The following DEFB106A variants were observed in gnomAD, a reference collection of about 807,000 sequenced individuals.
DEFB106A encodes defensin beta 106A, also known as beta-defensin 106.
For synonymous variants in DEFB106A, 1 was observed against 22.5 expected, an observed-to-expected ratio of 0.04 and a Z score of 2.70; for missense variants, 4 against 63.7, an observed-to-expected ratio of 0.06 and a Z score of 3.19.
chr8:7,826,673 T>A (rs1458752327), intron 1 of DEFB106A, among the ~76,000 whole-genome samples: 1 of 48,608 alleles, frequency 2.1e-5, no homozygotes, highest in Admixed American at 2.9e-4. Context: ...TATACATATT[T>A]TTTTTTTTTT....
chr8:7,827,154 TA>T (rs1461886585), intron 1 of DEFB106A, among the ~76,000 whole-genome samples: 29 of 96,752 alleles, frequency 3.0e-4, no homozygotes, highest in Non-Finnish European at 5.9e-4. Flanking sequence ...TATACTAGTA[TA>T]ATACACAAGT....
rs1355157733 is a variant in DEFB106A, at chr8:7,827,666, A to G, written c.50-1139A>G. On this transcript the variant is annotated intron_variant, in intron 1 of 1. Coordinates refer to ENST00000335186, the MANE Select transcript of DEFB106A (RefSeq NM_152251.4). Reference sequence around the variant, plus strand: ...ATAGTATATATACTAGTATAATACTATAGTATACACTATTATACCAGTATA... The same window carrying G: ...ATAGTATATATACTAGTATAATACTGTAGTATACACTATTATACCAGTATA... 1.1e-3 allele frequency among the ~76,000 whole-genome samples: 145 copies of G among 132,572 alleles called. 4 individuals are homozygous for G. The highest frequency in any genetic ancestry group is 5.4e-3 in the Middle Eastern group (1 of 186). The allele number at this position is 132,572 out of a possible 152,430, so 87.0% of individuals were successfully genotyped here. A position where few individuals can be genotyped will look rare whatever the true frequency, so the allele number is the denominator to read the frequency against.
At chr8:7,827,334 A>C (rs1348821977) in intron 1 of DEFB106A, among the ~76,000 whole-genome samples, 2 of 126,024 alleles carry the variant, frequency 1.6e-5, no homozygotes, top group African/African-American at 5.7e-5. Flanking sequence ...TGTATATACT[A>C]GTATAATACA....
intron 1 of DEFB106A, among the ~76,000 whole-genome samples, chr8:7,826,395 G>T (rs1157912208): frequency 8.0e-5 from 12 of 149,346 alleles, no homozygotes; most frequent in African/African-American, 2.7e-4. Context: ...AGTATAATTA[G>T]TTACTATAAT....
chr8:7,827,049 T>C, intron 1 of DEFB106A, among the ~76,000 whole-genome samples: 1 of 126,830 alleles, frequency 7.9e-6, no homozygotes, highest in South Asian at 2.9e-4. Context: ...AGTATAATAC[T>C]CTAGTATATA....
intron 1 of DEFB106A, among the ~76,000 whole-genome samples, chr8:7,828,103 T>C (rs1359981282): frequency 4.1e-5 from 6 of 145,832 alleles, no homozygotes; most frequent in African/African-American, 1.5e-4. Context: ...TCTAAAATGT[T>C]GATCCTGATA....
At chr8:7,826,670 A>ATT (rs368772606) in intron 1 of DEFB106A, among the ~76,000 whole-genome samples, 31,026 of 104,138 alleles carry the variant, frequency 0.3, 851 homozygotes, top group South Asian at 0.35. Context: ...ATATATACAT[A>ATT]TTTTTTTTTT....
intron 1 of DEFB106A, among the ~76,000 whole-genome samples, chr8:7,828,359 C>CT: frequency 9.7e-6 from 1 of 102,846 alleles, no homozygotes; most frequent in South Asian, 4.4e-4. Flanking sequence ...AACTCATTCT[C>CT]TTTTTATATC....
At chr8:7,826,306 C>T (rs1238597407) in intron 1 of DEFB106A, among the ~76,000 whole-genome samples, 2 of 150,354 alleles carry the variant, frequency 1.3e-5, no homozygotes, top group Admixed American at 1.3e-4. Context: ...TCAGATCACT[C>T]ATACTTATTA....
At chr8:7,826,652 A>G (rs4840848) in intron 1 of DEFB106A, among the ~76,000 whole-genome samples, 2 of 130,956 alleles carry the variant, frequency 1.5e-5, no homozygotes, top group African/African-American at 5.4e-5. Context: ...AGTATATATT[A>G]TATATATATA....
In DEFB106A at chr8:7,827,687, G is replaced by C. The variant is rs1585690180; in HGVS notation, c.50-1118G>C. On this transcript the variant is annotated intron_variant, in intron 1 of 1. Coordinates refer to ENST00000335186, the MANE Select transcript of DEFB106A (RefSeq NM_152251.4). ...TACTATAGTATACACTATTATACCAGTATATACTATAATACTAGTATTTTT... is the reference window on the plus strand; with the variant it reads ...TACTATAGTATACACTATTATACCACTATATACTATAATACTAGTATTTTT... Among the ~76,000 whole-genome samples the C allele has an allele frequency of 2.2e-5, 3 of 133,344 alleles. No individual in the cohort carries two copies. The East Asian group carries it at 6.6e-4, about 29-fold the overall frequency. The allele number at this position is 133,344 out of a possible 152,430, so 87.5% of individuals were successfully genotyped here. A position where few individuals can be genotyped will look rare whatever the true frequency, so the allele number is the denominator to read the frequency against.
chr8:7,827,766 C>A (rs1400443798), intron 1 of DEFB106A, among the ~76,000 whole-genome samples: 1 of 139,026 alleles, frequency 7.2e-6, no homozygotes, highest in Non-Finnish European at 1.6e-5. Flanking sequence ...AAGATTTTAT[C>A]TGAATACCAC....
At chr8:7,826,238 C>T (rs904639346) in intron 1 of DEFB106A, among the ~76,000 whole-genome samples, 4 of 147,032 alleles carry the variant, frequency 2.7e-5, no homozygotes, top group African/African-American at 9.9e-5. Context: ...GTGACCTATG[C>T]CGTATTCAGG....
At chr8:7,827,740 A>T (rs1817459165) in intron 1 of DEFB106A, among the ~76,000 whole-genome samples, 1 of 138,488 alleles carries the variant, frequency 7.2e-6, no homozygotes, top group African/African-American at 2.5e-5. Flanking sequence ...ATACTATGAT[A>T]CTATACTAAA....
At chr8:7,826,497 A>G (rs1322747680) in intron 1 of DEFB106A, among the ~76,000 whole-genome samples, 2 of 149,182 alleles carry the variant, frequency 1.3e-5, no homozygotes, top group African/African-American at 2.4e-5. Flanking sequence ...GATATACTAG[A>G]GTATAATACT....
chr8:7,827,086 T>C (rs1416039758), intron 1 of DEFB106A, among the ~76,000 whole-genome samples: 2 of 125,382 alleles, frequency 1.6e-5, no homozygotes, highest in African/African-American at 5.3e-5. Context: ...AGTATAATAC[T>C]CTAGTATATA....
At chr8:7,826,668 A>AT (rs1491559970) in intron 1 of DEFB106A, among the ~76,000 whole-genome samples, 33 of 80,208 alleles carry the variant, frequency 4.1e-4, no homozygotes, top group South Asian at 3.5e-3. Flanking sequence ...ATATATATAC[A>AT]TATTTTTTTT....
intron 1 of DEFB106A, among the ~76,000 whole-genome samples, chr8:7,827,528 T>C (rs1817448127): frequency 8.4e-6 from 1 of 118,770 alleles, no homozygotes; most frequent in Non-Finnish European, 1.8e-5. Flanking sequence ...TATTATATAC[T>C]AGTACATAGT....
intron 1 of DEFB106A, among the ~76,000 whole-genome samples, chr8:7,826,718 G>T (rs1190879967): frequency 7.8e-6 from 1 of 127,724 alleles, no homozygotes; most frequent in African/African-American, 2.8e-5. Context: ...CCCCGGGCTG[G>T]AGTGCAGTTT....
Sources: gnomAD v4.1 joint callset for allele counts (sites outside exome capture counted in the v4.1 genomes callset) on GRCh38, gnomAD v4.1.1 for gene constraint, MANE v1.5 for transcripts, NCBI Gene and HGNC (gene_info 2026-07-23, HGNC 2026-07-21) for gene names.